The following SPMAP2L variants were observed in gnomAD, a reference collection of about 807,000 sequenced individuals.
SPMAP2L encodes sperm microtubule associated protein 2-like.
the SPMAP2L span, among the ~76,000 whole-genome samples, chr4:56,608,097 C>G: frequency 0.056 from 8,451 of 150,658 alleles, 616 homozygotes; most frequent in African/African-American, 0.17. Flanking sequence ...GTGGAAACTA[C>G]AGAAGTAAGT....
chr4:56,574,728 C>A, the SPMAP2L span, among the ~76,000 whole-genome samples: 1 of 152,086 alleles, frequency 6.6e-6, no homozygotes, highest in Non-Finnish European at 1.5e-5. Context: ...GCCTTTAATT[C>A]TAGCACTTTG....
chr4:56,531,808 A>G, the SPMAP2L span, among the ~76,000 whole-genome samples: 1 of 152,108 alleles, frequency 6.6e-6, no homozygotes, highest in African/African-American at 2.4e-5. Context: ...ACCCAACCCA[A>G]AGCAATTATT....
the SPMAP2L span, among the ~76,000 whole-genome samples, chr4:56,560,484 G>A: frequency 6.6e-6 from 1 of 152,142 alleles, no homozygotes; most frequent in African/African-American, 2.4e-5. Flanking sequence ...TTCCATTCTT[G>A]TGGTGGTGAC....
the SPMAP2L span, among the ~76,000 whole-genome samples, chr4:56,571,326 CT>C: frequency 9.1e-5 from 13 of 143,340 alleles, no homozygotes; most frequent in South Asian, 2.2e-4. Flanking sequence ...ACTTTTAAAA[CT>C]TTTTTTTTTT....
At chr4:56,555,619 CTT>C in the SPMAP2L span, among the ~76,000 whole-genome samples, 1 of 151,954 alleles carries the variant, frequency 6.6e-6, no homozygotes, top group Non-Finnish European at 1.5e-5. Flanking sequence ...TTATATAGCT[CTT>C]TTTTGATTAT....
the SPMAP2L span, among the ~76,000 whole-genome samples, chr4:56,571,659 A>T: frequency 1.3e-5 from 2 of 152,146 alleles, no homozygotes; most frequent in African/African-American, 4.8e-5. Context: ...CAACCTGGGC[A>T]ACATAGTAAG....
the SPMAP2L span, among the ~76,000 whole-genome samples, chr4:56,609,243 A>G: frequency 6.6e-6 from 1 of 151,892 alleles, no homozygotes; most frequent in African/African-American, 2.4e-5. Flanking sequence ...GGGTTTCACC[A>G]TGTTGGCCAG....
the SPMAP2L span, among the ~76,000 whole-genome samples, chr4:56,583,066 C>T: frequency 4.6e-5 from 7 of 152,046 alleles, no homozygotes; most frequent in Admixed American, 1.3e-4. Context: ...TGAGGTCAGG[C>T]GTTCGAGAAC....
chr4:56,543,924 GT>G, the SPMAP2L span, among the ~76,000 whole-genome samples: 8 of 109,018 alleles, frequency 7.3e-5, no homozygotes, highest in African/African-American at 1.9e-4. Flanking sequence ...GTGTGTGTGT[GT>G]ATGTGAGAGA....
At chr4:56,580,991 A>C in the SPMAP2L span, among the ~76,000 whole-genome samples, 1 of 152,182 alleles carries the variant, frequency 6.6e-6, no homozygotes, top group Non-Finnish European at 1.5e-5. Flanking sequence ...CACTATGCTG[A>C]GTTTAATAAG....
At chr4:56,567,469 T>C in the SPMAP2L span, among the ~76,000 whole-genome samples, 3 of 108,782 alleles carry the variant, frequency 2.8e-5, no homozygotes, top group East Asian at 2.4e-4. Context: ...TTTTTTTTTT[T>C]AGTAGAGACA....
the SPMAP2L span, chr4:56,596,569 C>T: frequency 1.4e-5 from 21 of 1,533,954 alleles, no homozygotes; most frequent in African/African-American, 1.6e-4. Flanking sequence ...GCTTGCCCAC[C>T]CAAGGATCAA....
chr4:56,570,250 T>G, the SPMAP2L span, among the ~76,000 whole-genome samples: 1 of 152,218 alleles, frequency 6.6e-6, no homozygotes, highest in African/African-American at 2.4e-5. Context: ...CTCTGCTGAA[T>G]AGTTGATGCC....
chr4:56,603,319 G>A, the SPMAP2L span: 25 of 1,529,518 alleles, frequency 1.6e-5, no homozygotes, highest in African/African-American at 4.1e-5. Context: ...CCTCTTACAC[G>A]TTAAATACAG....
chr4:56,536,147 A>C, the SPMAP2L span, among the ~76,000 whole-genome samples: 1 of 152,236 alleles, frequency 6.6e-6, no homozygotes, highest in African/African-American at 2.4e-5. Flanking sequence ...GGCCACAGAC[A>C]AAACCAGTCC....
At chr4:56,573,048 T>C in the SPMAP2L span, among the ~76,000 whole-genome samples, 7 of 151,302 alleles carry the variant, frequency 4.6e-5, no homozygotes, top group African/African-American at 1.7e-4. Flanking sequence ...GAGTACCTGC[T>C]ACATTGACAG....
the SPMAP2L span, among the ~76,000 whole-genome samples, chr4:56,602,881 G>A: frequency 2.6e-5 from 4 of 152,122 alleles, no homozygotes; most frequent in African/African-American, 9.7e-5. Flanking sequence ...GACAAATTAT[G>A]TTATGGTAAA....
the SPMAP2L span, among the ~76,000 whole-genome samples, chr4:56,620,382 T>TTTGTTTC: frequency 7.1e-6 from 1 of 141,210 alleles, no homozygotes; most frequent in African/African-American, 3.0e-5. Flanking sequence ...AAAATAGCCT[T>TTTGTTTC]CTAGTTTTTT....
the SPMAP2L span, among the ~76,000 whole-genome samples, chr4:56,578,777 T>C: frequency 4.2e-5 from 6 of 141,846 alleles, no homozygotes; most frequent in East Asian, 1.3e-3. Flanking sequence ...TATAAAAGAG[T>C]CAATCCATTA....
Sources: gnomAD v4.1 joint callset for allele counts (sites outside exome capture counted in the v4.1 genomes callset) on GRCh38, gnomAD v4.1.1 for gene constraint, MANE v1.5 for transcripts, NCBI Gene and HGNC (gene_info 2026-07-23, HGNC 2026-07-21) for gene names.